The following GRID2 variants were observed in gnomAD, a reference collection of about 807,000 sequenced individuals.
The protein encoded by GRID2 is glutamate ionotropic receptor delta type subunit 2, also known as glutamate receptor ionotropic, delta-2.
In GRID2, 33 loss-of-function variants were observed where a neutral mutation model predicts 114.8. The observed-to-expected ratio is 0.29, with a 90% confidence interval of 0.22 to 0.38. GRID2 has a LOEUF of 0.38. GRID2 is among the 10% of genes least tolerant of loss of function. The probability of loss-of-function intolerance (pLI) is 1.00; values close to 1 mark genes in which losing one functional copy is unlikely to be tolerated. For missense variants in GRID2, 1,184 were observed against 1,257.7 expected (o/e 0.94, Z 0.89); for synonymous variants, 505 against 449.9 (o/e 1.12, Z -1.55).
intron 4 of GRID2, among the ~76,000 whole-genome samples, chr4:93,149,526 A>C (rs1467033125): frequency 1.3e-5 from 2 of 151,882 alleles, no homozygotes; most frequent in South Asian, 2.1e-4. Flanking sequence ...CAGTGAGCCA[A>C]GATCACACCA....
At position 93,638,063 on chromosome 4, in the gene GRID2, C is replaced by A. The variant is rs992509970; in HGVS notation, c.2360+11628C>A. ...TTCTATATAGCCCAGGTAAGTCTAA[C>A]ATAAGCTCTAACGATTTCTGTCTTT... On this transcript the variant is annotated intron_variant, in intron 14 of 15. Transcript: ENST00000282020. Among the ~76,000 whole-genome samples the A allele has an allele frequency of 1.2e-4, 19 of 152,202 alleles. 1 individual carries two copies. In the South Asian group the frequency reaches 1.9e-3, roughly 15 times the overall value.
At chr4:93,572,936 C>A (rs1736067709) in intron 13 of GRID2, among the ~76,000 whole-genome samples, 1 of 152,084 alleles carries the variant, frequency 6.6e-6, no homozygotes, top group Non-Finnish European at 1.5e-5. Context: ...AGTCCTAAGG[C>A]AAAATTTAAC....
At chr4:93,216,271 CAT>C (rs1491441878) in intron 5 of GRID2, among the ~76,000 whole-genome samples, 5 of 151,252 alleles carry the variant, frequency 3.3e-5, no homozygotes, top group African/African-American at 4.9e-5. Flanking sequence ...TGTGTGTGTG[CAT>C]GTGTGTGTGT....
intron 8 of GRID2, among the ~76,000 whole-genome samples, chr4:93,337,138 A>G (rs1234091833): frequency 6.6e-6 from 1 of 152,226 alleles, no homozygotes; most frequent in Non-Finnish European, 1.5e-5. Flanking sequence ...TATAGGAAAG[A>G]GGATTTACTT....
At chr4:93,502,856 G>C (rs1728260401) in intron 12 of GRID2, among the ~76,000 whole-genome samples, 1 of 152,046 alleles carries the variant, frequency 6.6e-6, no homozygotes, top group Non-Finnish European at 1.5e-5. Context: ...GGAAGGCGAG[G>C]AATAAGGTCT....
chr4:92,489,542 T>C (rs562175763), intron 1 of GRID2, among the ~76,000 whole-genome samples: 1 of 151,314 alleles, frequency 6.6e-6, no homozygotes, highest in Non-Finnish European at 1.5e-5. Context: ...ATCTAATTTG[T>C]TCATTATTGA....
At chr4:92,980,593 T>A (rs963674063) in intron 2 of GRID2, among the ~76,000 whole-genome samples, 2 of 152,086 alleles carry the variant, frequency 1.3e-5, no homozygotes, top group African/African-American at 4.8e-5. Context: ...TCAATTACCC[T>A]CTGTAGTAGA....
At chr4:93,601,433 TC>T (rs1356956586) in intron 13 of GRID2, among the ~76,000 whole-genome samples, 1 of 152,236 alleles carries the variant, frequency 6.6e-6, no homozygotes, top group East Asian at 1.9e-4. Context: ...TATTTCCTTT[TC>T]CTGGGGTTTA....
At chr4:93,617,898 CAT>C (rs1253654274) in intron 13 of GRID2, among the ~76,000 whole-genome samples, 2 of 152,130 alleles carry the variant, frequency 1.3e-5, no homozygotes, top group Non-Finnish European at 2.9e-5. Context: ...CTGTGGGAAA[CAT>C]AATCTATGCC....
chr4:93,796,643 A>G (rs531279777), intron 1 of GRID2, among the ~76,000 whole-genome samples: 4 of 152,284 alleles, frequency 2.6e-5, no homozygotes, highest in Non-Finnish European at 4.4e-5. Flanking sequence ...TCCCGAGTTC[A>G]GGTGATTCTC....
At position 93,419,074 on chromosome 4, in the gene GRID2, CT is replaced by C. The variant is rs58832079; in HGVS notation, c.1348-3675del. Among the ~76,000 whole-genome samples, 336 of 109,466 alleles carry C rather than the reference CT, an allele frequency of 3.1e-3. 3 individuals are homozygous for C. The highest frequency in any genetic ancestry group is 0.027 in the East Asian group (116 of 4,290). The allele number at this position is 109,466 out of a possible 152,430, so 71.8% of individuals were successfully genotyped here. A position where few individuals can be genotyped will look rare whatever the true frequency, so the allele number is the denominator to read the frequency against. On this transcript the variant is annotated intron_variant, in intron 9 of 15. Coordinates refer to ENST00000282020, the MANE Select transcript of GRID2 (RefSeq NM_001510.4). Reference sequence around the variant, plus strand: ...GGTAATCCCCAAAATCATGATTTTCCTTTTTTTTTTTTTTTTTTTTTTACAG... The same window carrying C: ...GGTAATCCCCAAAATCATGATTTTCCTTTTTTTTTTTTTTTTTTTTTACAG...
intron 11 of GRID2, among the ~76,000 whole-genome samples, chr4:93,458,773 A>G (rs920308330): frequency 6.6e-6 from 1 of 152,202 alleles, no homozygotes; most frequent in Non-Finnish European, 1.5e-5. Flanking sequence ...AAGGGATAAC[A>G]AGACAAATGA....
chr4:93,732,958 AG>A (rs1730620435), intron 14 of GRID2, among the ~76,000 whole-genome samples: 1 of 152,090 alleles, frequency 6.6e-6, no homozygotes, highest in South Asian at 2.1e-4. Flanking sequence ...AAATAATAAA[AG>A]AGAAAGATTA....
intron 2 of GRID2, among the ~76,000 whole-genome samples, chr4:92,923,152 T>C (rs1015886702): frequency 6.6e-6 from 1 of 152,218 alleles, no homozygotes; most frequent in African/African-American, 2.4e-5. Flanking sequence ...AATCACTATG[T>C]AGTAATCTTA....
At chr4:92,537,040 A>G (rs564226646) in intron 1 of GRID2, among the ~76,000 whole-genome samples, 2 of 152,334 alleles carry the variant, frequency 1.3e-5, no homozygotes, top group Admixed American at 1.3e-4. Flanking sequence ...GGCTTACTTC[A>G]GCTTCATATC....
intron 2 of GRID2, among the ~76,000 whole-genome samples, chr4:93,013,604 A>G (rs1722399614): frequency 6.6e-6 from 1 of 151,968 alleles, no homozygotes; most frequent in Non-Finnish European, 1.5e-5. Context: ...GCTTGTCATC[A>G]GTCAGTATTT....
At chr4:92,322,361 ATGTAT>A (rs1287916969) in intron 1 of GRID2, among the ~76,000 whole-genome samples, 4 of 152,090 alleles carry the variant, frequency 2.6e-5, no homozygotes, top group African/African-American at 9.7e-5. Context: ...GATCTCCTAA[ATGTAT>A]TGTCCAGTTT....
intron 8 of GRID2, among the ~76,000 whole-genome samples, chr4:93,283,401 C>T (rs778746114): frequency 2.0e-5 from 3 of 152,092 alleles, no homozygotes; most frequent in Non-Finnish European, 2.9e-5. Flanking sequence ...AAATTCTTTC[C>T]GTCTCTGCTC....
intron 1 of GRID2, among the ~76,000 whole-genome samples, chr4:92,358,991 C>T (rs760048753): frequency 1.3e-5 from 2 of 151,924 alleles, no homozygotes; most frequent in African/African-American, 2.4e-5. Flanking sequence ...GAAAGCCTTA[C>T]ATAGGCAACA....
Sources: gnomAD v4.1 joint callset for allele counts (sites outside exome capture counted in the v4.1 genomes callset) on GRCh38, gnomAD v4.1.1 for gene constraint, MANE v1.5 for transcripts, NCBI Gene and HGNC (gene_info 2026-07-23, HGNC 2026-07-21) for gene names.